The following AGBL4 variants were observed in gnomAD, a reference collection of about 807,000 sequenced individuals.
AGBL4 encodes cytosolic carboxypeptidase 6.
AGBL4 carries 58 observed loss-of-function variants against 66.4 expected under a neutral mutation model. The ratio of observed to expected loss-of-function variants is 0.87; its 90% CI spans 0.71 to 1.09. The LOEUF is 1.09. Ranked by LOEUF, AGBL4 falls within the 50% of genes least tolerant of loss-of-function variation. AGBL4 has a pLI of 0.00. For missense variants in AGBL4, 579 were observed against 631.0 expected (o/e 0.92, Z 0.88); for synonymous variants, 234 against 222.9 (o/e 1.05, Z -0.44).
At chr1:49,101,293 T>C (rs1645197104) in intron 4 of AGBL4, among the ~76,000 whole-genome samples, 1 of 152,112 alleles carries the variant, frequency 6.6e-6, no homozygotes, top group Non-Finnish European at 1.5e-5. Context: ...GTTCAATCTA[T>C]TCTTGTGTCT....
At chr1:49,948,862 AAACGAGCCCACCAAGTCAAAGCAAGACT>A (rs2148317827) in intron 1 of AGBL4, among the ~76,000 whole-genome samples, 1 of 151,906 alleles carries the variant, frequency 6.6e-6, no homozygotes, top group South Asian at 2.1e-4. Flanking sequence ...ATGGAGCCAA[AAACGAGCCCACCAAGTCAAAGCAAGACT>A]AACCAAAAAG....
chr1:48,934,079 A>G (rs528563694), intron 5 of AGBL4, among the ~76,000 whole-genome samples: 7 of 152,304 alleles, frequency 4.6e-5, no homozygotes, highest in Non-Finnish European at 8.8e-5. Flanking sequence ...GAAAGGTTTA[A>G]TTCCCATTCT....
At chr1:48,944,581 T>C (rs1656298428) in intron 5 of AGBL4, among the ~76,000 whole-genome samples, 1 of 152,114 alleles carries the variant, frequency 6.6e-6, no homozygotes. Flanking sequence ...AACTAATAGA[T>C]ACAGATTTAC....
chr1:48,966,092 A>G (rs3127549), intron 5 of AGBL4, among the ~76,000 whole-genome samples: 58,299 of 151,954 alleles, frequency 0.38, 12,680 homozygotes, highest in Middle Eastern at 0.52. Flanking sequence ...TTTTTCTTAC[A>G]GAATTGTTAA....
chr1:48,788,940 A>G (rs931948098), intron 6 of AGBL4, among the ~76,000 whole-genome samples: 14 of 152,216 alleles, frequency 9.2e-5, no homozygotes, highest in Non-Finnish European at 1.8e-4. Flanking sequence ...TTTTATATAT[A>G]TATGAGAGGA....
intron 6 of AGBL4, among the ~76,000 whole-genome samples, chr1:48,786,509 G>C (rs1645410616): frequency 6.6e-6 from 1 of 152,144 alleles, no homozygotes; most frequent in African/African-American, 2.4e-5. Flanking sequence ...TTTCCTAGAG[G>C]CTGAATCCCT....
chr1:49,725,525 T>C (rs1255587638), intron 2 of AGBL4, among the ~76,000 whole-genome samples: 2 of 152,044 alleles, frequency 1.3e-5, no homozygotes, highest in Non-Finnish European at 2.9e-5. Context: ...TAGGCTGTGG[T>C]TGGCTCTAGG....
intron 3 of AGBL4, among the ~76,000 whole-genome samples, chr1:49,653,489 T>C (rs545795288): frequency 1.3e-5 from 2 of 152,034 alleles, no homozygotes; most frequent in African/African-American, 2.4e-5. Context: ...TTGGAAGAAG[T>C]AGGCTTCAGA....
At chr1:49,394,351 A>G (rs1644911497) in intron 3 of AGBL4, among the ~76,000 whole-genome samples, 1 of 151,818 alleles carries the variant, frequency 6.6e-6, no homozygotes, top group South Asian at 2.1e-4. Flanking sequence ...AGAGGTGCTA[A>G]TGTGATTGGA....
intron 9 of AGBL4, among the ~76,000 whole-genome samples, chr1:48,606,963 T>C (rs191189): frequency 0.87 from 132,363 of 152,096 alleles, 57,994 homozygotes; most frequent in Non-Finnish European, 0.91. Context: ...TGTGTGACTT[T>C]AAAGGAGTTA....
chr1:49,331,485 C>T (rs1410247016), intron 3 of AGBL4, among the ~76,000 whole-genome samples: 1 of 152,080 alleles, frequency 6.6e-6, no homozygotes, highest in Admixed American at 6.5e-5. Flanking sequence ...CCAAATAGTA[C>T]AGAAGAAAAA....
At chr1:48,938,863 G>T (rs925842634) in intron 5 of AGBL4, among the ~76,000 whole-genome samples, 2 of 152,046 alleles carry the variant, frequency 1.3e-5, no homozygotes, top group African/African-American at 2.4e-5. Flanking sequence ...ATAATATGTG[G>T]TAATAAGTAC....
chr1:50,017,088 A>G (rs1465943926), intron 1 of AGBL4: 1 of 152,162 alleles, frequency 6.6e-6, no homozygotes, highest in African/African-American at 2.4e-5. Flanking sequence ...ATATATATAT[A>G]CATAAAATAA....
chr1:49,937,855 T>C (rs1457884681), intron 1 of AGBL4, among the ~76,000 whole-genome samples: 1 of 151,326 alleles, frequency 6.6e-6, no homozygotes, highest in Non-Finnish European at 1.5e-5. Context: ...GTAGAGGGAT[T>C]ATACATTTAT....
intron 11 of AGBL4, among the ~76,000 whole-genome samples, chr1:48,576,346 G>C (rs948271918): frequency 6.6e-6 from 1 of 152,098 alleles, no homozygotes; most frequent in African/African-American, 2.4e-5. Flanking sequence ...TCCTAACCCT[G>C]GTCCATTGAA....
At chr1:48,886,869 T>G (rs1352455821) in intron 5 of AGBL4, among the ~76,000 whole-genome samples, 1 of 152,184 alleles carries the variant, frequency 6.6e-6, no homozygotes, top group African/African-American at 2.4e-5. Context: ...CCACAAATTC[T>G]TATTGGCTCC....
chr1:49,357,351 A>G (rs1557866488), intron 3 of AGBL4, among the ~76,000 whole-genome samples: 2 of 152,142 alleles, frequency 1.3e-5, no homozygotes. Flanking sequence ...GTACATACGG[A>G]GATGAATTAT....
At chr1:48,610,596 CT>C (rs1180778317) in intron 9 of AGBL4, among the ~76,000 whole-genome samples, 1 of 152,196 alleles carries the variant, frequency 6.6e-6, no homozygotes, top group African/African-American at 2.4e-5. Flanking sequence ...GTCCCCTCCC[CT>C]GAAAACCTCC....
intron 3 of AGBL4, among the ~76,000 whole-genome samples, chr1:49,313,927 C>T (rs1557831587): frequency 6.6e-6 from 1 of 152,122 alleles, no homozygotes; most frequent in Non-Finnish European, 1.5e-5. Flanking sequence ...GTGTTTTATT[C>T]ATGAAGTCTT....
Sources: gnomAD v4.1 joint callset for allele counts (sites outside exome capture counted in the v4.1 genomes callset) on GRCh38, gnomAD v4.1.1 for gene constraint, MANE v1.5 for transcripts, NCBI Gene and HGNC (gene_info 2026-07-23, HGNC 2026-07-21) for gene names.